Variants in RASSF2 observed in about 807,000 individuals in gnomAD.
RASSF2 encodes the protein Ras association domain family member 2, also known as ras association domain-containing protein 2.
A neutral mutation model predicts 46.3 loss-of-function variants in RASSF2; 34 were observed. The observed-to-expected ratio is 0.73, with a 90% CI of 0.56 to 0.98. The LOEUF (loss-of-function observed/expected upper bound fraction) is 0.98, where lower values mean the gene tolerates loss of function less well. Among genes scored for constraint, RASSF2 ranks in the 50% least tolerant of loss-of-function variants. The pLI is 0.00. For missense variants in RASSF2, 364 were observed against 431.2 expected (o/e 0.84, Z 1.38); for synonymous variants, 158 against 162.5 (o/e 0.97, Z 0.21).
intron 10 of RASSF2, 99 bp from the exon 11 acceptor site, chr20:4,786,427 C>A (rs757512295): frequency 4.7e-6 from 5 of 1,065,556 alleles, no homozygotes; most frequent in Non-Finnish European, 7.2e-6. Context: ...CTTGGGAAGT[C>A]TATTTTTTTC....
chr20:4,796,729 T>C (rs537452739), intron 4 of RASSF2, among the ~76,000 whole-genome samples: 22 of 152,228 alleles, frequency 1.4e-4, no homozygotes, highest in Admixed American at 3.3e-4. Flanking sequence ...CTTATGACTA[T>C]GAAATCCTTT....
At chr20:4,815,274 G>A (rs781266259) in intron 2 of RASSF2, among the ~76,000 whole-genome samples, 14 of 152,108 alleles carry the variant, frequency 9.2e-5, no homozygotes, top group African/African-American at 2.9e-4. Flanking sequence ...CCCCAACTAC[G>A]TGGCACCATG....
chr20:4,795,668 C>CAAGGCT lies in RASSF2; in HGVS notation c.287+141_287+146dup, dbSNP rs1354353193. ...CACATCTGCTGCTTGTTCCTCATTC[C>CAAGGCT]AAGGCTAAGGCAGGTGGGCAGTAGA... On this transcript the variant is annotated intron_variant, in intron 5 of 11. Transcript: ENST00000379400. The surrounding 1 kb of genome is among the most constrained non-coding windows in gnomAD (Gnocchi z 4.0). 2.0e-6 allele frequency: 2 copies of CAAGGCT among 993,622 alleles called. No individual in the cohort carries two copies. The highest frequency in any genetic ancestry group is 2.9e-6 in the Non-Finnish European group (2 of 689,244). The allele number at this position is 993,622 out of a possible 1,614,324, so 61.6% of individuals were successfully genotyped here.
chr20:4,791,509 G>A lies in RASSF2; in HGVS notation c.377-898C>T, dbSNP rs976476069. ...AATATGTGGGGTTCCCATGGCATAT[G>A]TCTATCCTTGTATGTGTATAAATAT... On this transcript the variant is annotated intron_variant, in intron 6 of 11. Transcript: ENST00000379400. Among the ~76,000 whole-genome samples the A allele has an allele frequency of 4.6e-5, 7 of 152,208 alleles. No individual in the cohort carries two copies. The South Asian group carries it at 1.4e-3, about 31-fold the overall frequency.
At chr20:4,788,164 G>T in intron 9 of RASSF2, 53 bp downstream of exon 9, 2 of 1,435,462 alleles carry the variant, frequency 1.4e-6, no homozygotes, top group African/African-American at 1.4e-5. Flanking sequence ...TTTTTAACTT[G>T]CTATTTTGAG....
Position 4,795,966 on chromosome 20 carries a change from C to T in RASSF2, c.136G>A (p.Glu46Lys), listed in dbSNP as rs371182272. 2.0e-6 allele frequency: 3 copies of T among 1,513,476 alleles called. No homozygotes were observed. Among genetic ancestry groups the T allele is most frequent in the East Asian group, 2.5e-5 (1 of 40,222 alleles). The allele number at this position is 1,513,476 out of a possible 1,614,324, so 93.8% of individuals were successfully genotyped here. Residue 46 changes from glutamate (E) to lysine (K), a missense_variant and splice_region_variant, in exon 5 of 12, where the codon GAA becomes AAA. Glu to Lys is a moderately conservative substitution (Grantham distance 56). Coordinates refer to ENST00000379400, the MANE Select transcript of RASSF2 (RefSeq NM_014737.3). The surrounding 1 kb of genome is among the most constrained non-coding windows in gnomAD (Gnocchi z 4.0). Reference sequence around the variant, plus strand: ...CCCTCCACAATGAACTCGTCTTCTTCCTGCCCACAAAGCAATCAGAGTAGT... The same window carrying T: ...CCCTCCACAATGAACTCGTCTTCTTTCTGCCCACAAAGCAATCAGAGTAGT... The part of the protein sequence containing the change: ...GQNLQLRHRE[E>K]EDEFIVEGLL...
chr20:4,798,134 T>G, intron 3 of RASSF2, 49 bp from the exon 4 acceptor site: 1 of 1,606,302 alleles, frequency 6.2e-7, no homozygotes, highest in East Asian at 2.2e-5. Context: ...TGAAGCCACT[T>G]ATAATGCAGT....
At chr20:4,817,249 T>C (rs144549194) in intron 2 of RASSF2, among the ~76,000 whole-genome samples, 1 of 152,212 alleles carries the variant, frequency 6.6e-6, no homozygotes, top group East Asian at 1.9e-4. Context: ...CACTATGGAG[T>C]GTTATCATTA....
chr20:4,815,958 C>T (rs1034753524), intron 2 of RASSF2, among the ~76,000 whole-genome samples: 10 of 152,182 alleles, frequency 6.6e-5, no homozygotes, highest in African/African-American at 2.2e-4. Flanking sequence ...AGCTGTCTCC[C>T]GGGGCTTTCC....
chr20:4,785,566 T>C (rs1020133372), intron 11 of RASSF2, among the ~76,000 whole-genome samples: 1 of 152,210 alleles, frequency 6.6e-6, no homozygotes, highest in African/African-American at 2.4e-5. Context: ...CCGCTTTATT[T>C]TTCAATCCAA....
At chr20:4,811,702 C>T (rs1927832564) in intron 2 of RASSF2, among the ~76,000 whole-genome samples, 1 of 152,158 alleles carries the variant, frequency 6.6e-6, no homozygotes, top group African/African-American at 2.4e-5. Context: ...ACTGAGCTGA[C>T]GCAAAGGGCT....
chr20:4,811,465 C>G (rs1354275195), intron 2 of RASSF2, among the ~76,000 whole-genome samples: 1 of 152,144 alleles, frequency 6.6e-6, no homozygotes, highest in Non-Finnish European at 1.5e-5. Context: ...CCAGGTCATG[C>G]CAGTGTACAT....
At position 4,795,663 on chromosome 20, in the gene RASSF2, C is replaced by T; in HGVS notation, c.287+152G>A. On this transcript the variant is annotated intron_variant, in intron 5 of 11. Transcript: ENST00000379400. This position sits in a 1 kb window ranked among gnomAD's most constrained non-coding sequence, Gnocchi z 4.0. The stretch of plus-strand genomic sequence containing the variant: ...ACAACCACATCTGCTGCTTGTTCCT[C>T]ATTCCAAGGCTAAGGCAGGTGGGCA... 1 of 928,380 alleles carries T rather than the reference C, an allele frequency of 1.1e-6. No individual in the cohort carries two copies. Among genetic ancestry groups the T allele is most frequent in the Admixed American group, 2.7e-5 (1 of 36,828 alleles). 57.5% of individuals were successfully genotyped at this position (928,380 alleles called of 1,614,324 possible). A position where few individuals can be genotyped will look rare whatever the true frequency, so the allele number is the denominator to read the frequency against.
At chr20:4,823,134 G>A (rs1165069438) in intron 1 of RASSF2, among the ~76,000 whole-genome samples, 3 of 152,086 alleles carry the variant, frequency 2.0e-5, no homozygotes, top group African/African-American at 7.2e-5. Flanking sequence ...GGAGGAAAGA[G>A]GAGACAAGAG....
At chr20:4,788,109 G>A (rs1925528854) in intron 9 of RASSF2, 108 bp downstream of exon 9, 6 of 1,120,066 alleles carry the variant, frequency 5.4e-6, no homozygotes, top group African/African-American at 1.6e-5. Context: ...ACAACATTTG[G>A]AAGTTTCCAA....
intron 2 of RASSF2, among the ~76,000 whole-genome samples, chr20:4,807,799 T>C (rs774560128): frequency 2.2e-4 from 33 of 152,222 alleles, no homozygotes; most frequent in Middle Eastern, 3.2e-3. Flanking sequence ...TAAGAAAATA[T>C]TTGCATAGCC....
chr20:4,791,021 G>T (rs1208942528), intron 6 of RASSF2, among the ~76,000 whole-genome samples: 1 of 152,192 alleles, frequency 6.6e-6, no homozygotes. Flanking sequence ...ACAAGATACT[G>T]CAAACAAACT....
At chr20:4,813,078 C>T (rs980210503) in intron 2 of RASSF2, among the ~76,000 whole-genome samples, 1 of 152,284 alleles carries the variant, frequency 6.6e-6, no homozygotes, top group Non-Finnish European at 1.5e-5. Flanking sequence ...TCCCTTATCA[C>T]ACACTGGGTG....
At position 4,810,748 on chromosome 20, in the gene RASSF2, C is replaced by G. The variant is rs531339028; in HGVS notation, c.-32-9686G>C. Among the ~76,000 whole-genome samples, 236 of 152,314 alleles carry G rather than the reference C, an allele frequency of 1.5e-3. 1 individual carries two copies. The highest frequency in any genetic ancestry group is 5.3e-3 in the African/African-American group (220 of 41,582). On this transcript the variant is annotated intron_variant, in intron 2 of 11. Transcript: ENST00000379400. The stretch of plus-strand genomic sequence containing the variant: ...GCAGGGGCCAGGCCCCAACCACCCC[C>G]ACCTCAGCTCCCAGTGGGGGTGAGG...
Sources: allele counts gnomAD v4.1 joint callset (sites outside exome capture counted in the v4.1 genomes callset), GRCh38; gene constraint gnomAD v4.1.1; non-coding constraint Gnocchi (gnomAD v3.1); transcripts MANE v1.5; gene names NCBI Gene and HGNC (gene_info 2026-07-23, HGNC 2026-07-21).